The following HIVEP3 variants were observed in gnomAD, a reference collection of about 807,000 sequenced individuals.
HIVEP3 encodes transcription factor HIVEP3.
In HIVEP3, 49 loss-of-function variants were observed where a neutral mutation model predicts 152.8. The ratio of observed to expected loss-of-function variants is 0.32; its 90% CI spans 0.26 to 0.41. The LOEUF (loss-of-function observed/expected upper bound fraction) is 0.41. Among genes scored for constraint, HIVEP3 ranks in the 10% least tolerant of loss-of-function variants. HIVEP3 has a pLI of 1.00. For synonymous variants in HIVEP3, 1,269 were observed against 1,289.0 expected (o/e 0.98, Z 0.33); for missense variants, 2,790 against 3,103.3 (o/e 0.90, Z 2.40).
intron 1 of HIVEP3, among the ~76,000 whole-genome samples, chr1:41,816,839 C>T (rs1488902076): frequency 6.6e-6 from 1 of 152,194 alleles, no homozygotes; most frequent in African/African-American, 2.4e-5. Flanking sequence ...CTTCATCTTG[C>T]CATGCTCTTG....
In HIVEP3 at chr1:41,564,148, G is replaced by A. The variant is rs148243277; in HGVS notation, c.5207+11396C>T. On this transcript the variant is annotated intron_variant, in intron 5 of 8. Transcript: ENST00000372583. The stretch of plus-strand genomic sequence containing the variant: ...GTGGAGGCTGCAGTGAGCCGAGATC[G>A]TGCCACTGCACTCCAGCTTGGCAAC... Among the ~76,000 whole-genome samples the A allele has an allele frequency of 1.9e-3, 287 of 152,192 alleles. 1 individual carries two copies. The highest frequency in any genetic ancestry group is 6.3e-3 in the African/African-American group (263 of 41,522).
Position 41,575,583 on chromosome 1 carries a change from T to C in HIVEP3, c.5168A>G (p.Gln1723Arg). 6.2e-7 allele frequency: 1 copy of C among 1,614,044 alleles called. No individual in the cohort carries two copies. Among genetic ancestry groups the C allele is most frequent in the Non-Finnish European group, 8.5e-7 (1 of 1,179,928 alleles). ...GEPEEDAPAS[Q>R]RGEPARIKIF... ...TTTGATCCTCGCCGGCTCCCCTCTCTGGGAGGCAGGAGCATCCTCCTCCGG... is the reference window on the plus strand; with the variant it reads ...TTTGATCCTCGCCGGCTCCCCTCTCCGGGAGGCAGGAGCATCCTCCTCCGG... Residue 1723 changes from glutamine (Q) to arginine (R), a missense_variant, in exon 5 of 9, where the codon CAG (glutamine) becomes CGG (arginine). By Grantham distance (43) the Gln-to-Arg change is conservative (BLOSUM62 1). This residue lies in a region of HIVEP3 where 1,078 missense variants were observed against 1,165.3 expected (regional missense o/e 0.93). Transcript: ENST00000372583.
intron 1 of HIVEP3, among the ~76,000 whole-genome samples, chr1:41,973,372 C>T (rs115443730): frequency 0.016 from 2,441 of 152,302 alleles, 39 homozygotes; most frequent in Non-Finnish European, 0.021. Context: ...GCTAGAGCCG[C>T]AGTCATCTCA....
At position 41,664,335 on chromosome 1, in the gene HIVEP3, TCA is replaced by T. The variant is rs756739145; in HGVS notation, c.-720-35390_-720-35389del. Among the ~76,000 whole-genome samples, 2 of 152,152 alleles carry T rather than the reference TCA, an allele frequency of 1.3e-5. No individual in the cohort carries two copies. Among genetic ancestry groups the T allele is most frequent in the Admixed American group, 1.3e-4 (2 of 15,274 alleles). On this transcript the variant is annotated intron_variant, in intron 2 of 8. Coordinates refer to ENST00000372583, the MANE Select transcript of HIVEP3 (RefSeq NM_024503.5). This position sits in a 1 kb window ranked among gnomAD's most constrained non-coding sequence, Gnocchi z 4.4. The stretch of plus-strand genomic sequence containing the variant: ...GCCCTGAGGGGTGACTTTCTATCAT[TCA>T]CACACACAGGCTCAGATGACAGCCT...
chr1:41,814,005 C>T (rs1651116156), intron 1 of HIVEP3, among the ~76,000 whole-genome samples: 1 of 152,140 alleles, frequency 6.6e-6, no homozygotes, highest in African/African-American at 2.4e-5. Context: ...TCAATCTCAG[C>T]CTCCTCCCCA....
chr1:41,897,508 C>T (rs1644548423), intron 1 of HIVEP3, among the ~76,000 whole-genome samples: 1 of 152,154 alleles, frequency 6.6e-6, no homozygotes, highest in African/African-American at 2.4e-5. Context: ...AAGAACAGGC[C>T]CTCGTCAACA....
intron 1 of HIVEP3, among the ~76,000 whole-genome samples, chr1:41,797,967 A>G (rs1481363687): frequency 6.6e-6 from 1 of 152,156 alleles, no homozygotes; most frequent in East Asian, 1.9e-4. Flanking sequence ...CAACAGAGCA[A>G]GACTCCATCT....
At chr1:41,761,680 T>C (rs1647692529) in intron 1 of HIVEP3, among the ~76,000 whole-genome samples, 1 of 152,174 alleles carries the variant, frequency 6.6e-6, no homozygotes, top group South Asian at 2.1e-4. Flanking sequence ...TACATAAGTG[T>C]ATGAGTAAAT....
chr1:41,641,065 T>TC (rs1181453778), intron 2 of HIVEP3, among the ~76,000 whole-genome samples: 1 of 152,226 alleles, frequency 6.6e-6, no homozygotes, highest in Non-Finnish European at 1.5e-5. Context: ...TTCTCCCTCT[T>TC]CCTCTTCTGG....
At chr1:41,549,273 T>C (rs949146424) in intron 5 of HIVEP3, among the ~76,000 whole-genome samples, 1 of 152,328 alleles carries the variant, frequency 6.6e-6, no homozygotes, top group Admixed American at 6.5e-5. Context: ...CAGTCTATCA[T>C]TGATGGGCAT....
rs942760353 is a variant in HIVEP3 at position 41,506,585 on chromosome 1, AT to A, written c.*3865del. On this transcript the variant is annotated 3_prime_UTR_variant, in exon 9 of 9. Coordinates refer to ENST00000372583, the MANE Select transcript of HIVEP3 (RefSeq NM_024503.5). ...GACTCTGTGCTTTAGACCTGCGTGG[AT>A]TTTTGTTTTTTTTTTTTGTTTGTTT... 8.4e-5 allele frequency: 7 copies of A among 83,038 alleles called. No individual in the cohort carries two copies. The highest frequency in any genetic ancestry group is 8.3e-4 in the Admixed American group (5 of 6,030). 5.1% of individuals were successfully genotyped at this position (83,038 alleles called of 1,614,324 possible).
intron 1 of HIVEP3, among the ~76,000 whole-genome samples, chr1:42,006,171 A>G (rs577584460): frequency 6.6e-6 from 1 of 152,314 alleles, no homozygotes; most frequent in African/African-American, 2.4e-5. Flanking sequence ...CCAAGATATG[A>G]CAGAAGACCA....
At chr1:41,733,595 C>T (rs1646874117) in intron 1 of HIVEP3, among the ~76,000 whole-genome samples, 1 of 152,250 alleles carries the variant, frequency 6.6e-6, no homozygotes, top group African/African-American at 2.4e-5. Context: ...CTGTCGCTCA[C>T]CAAACATGGC....
intron 1 of HIVEP3, among the ~76,000 whole-genome samples, chr1:41,827,415 G>A (rs1558304649): frequency 6.6e-6 from 1 of 152,012 alleles, no homozygotes; most frequent in African/African-American, 2.4e-5. Context: ...TCACCTGCAA[G>A]TGAATGACCC....
At chr1:41,731,351 A>T (rs1646836826) in intron 1 of HIVEP3, among the ~76,000 whole-genome samples, 2 of 152,152 alleles carry the variant, frequency 1.3e-5, no homozygotes, top group South Asian at 4.1e-4. Context: ...AGCCCCCGTG[A>T]ACCTGTGAAC....
At chr1:41,776,998 A>G (rs1433575808) in intron 1 of HIVEP3, among the ~76,000 whole-genome samples, 1 of 152,150 alleles carries the variant, frequency 6.6e-6, no homozygotes, top group Non-Finnish European at 1.5e-5. Context: ...GAGCAGTTAC[A>G]CTGGACTTCA....
intron 5 of HIVEP3, among the ~76,000 whole-genome samples, chr1:41,537,897 C>A (rs1035454144): frequency 6.6e-6 from 1 of 152,222 alleles, no homozygotes; most frequent in Admixed American, 6.5e-5. Flanking sequence ...TTCTAAACAG[C>A]GACGTGAGCT....
chr1:41,715,043 G>A (rs1340281798), intron 1 of HIVEP3, among the ~76,000 whole-genome samples: 1 of 152,122 alleles, frequency 6.6e-6, no homozygotes, highest in Non-Finnish European at 1.5e-5. Flanking sequence ...CTGGCCCTGA[G>A]CCTAAAGATA....
chr1:41,804,664 T>A (rs894963610), intron 1 of HIVEP3, among the ~76,000 whole-genome samples: 13 of 152,232 alleles, frequency 8.5e-5, no homozygotes, highest in African/African-American at 3.1e-4. Context: ...GTCATCTGCA[T>A]CACTGGAACC....
Sources: allele counts gnomAD v4.1 joint callset (sites outside exome capture counted in the v4.1 genomes callset), GRCh38; gene constraint gnomAD v4.1.1; regional missense constraint gnomAD v4.1.1; non-coding constraint Gnocchi (gnomAD v3.1); transcripts MANE v1.5; gene names NCBI Gene and HGNC (gene_info 2026-07-23, HGNC 2026-07-21).